The following UBE3C variants were observed in gnomAD, a reference collection of about 807,000 sequenced individuals.
The protein encoded by UBE3C is ubiquitin-protein ligase E3C.
In UBE3C, 42 loss-of-function variants were observed where a neutral mutation model predicts 129.4. That is an observed-to-expected ratio of 0.32 (90% CI 0.25 to 0.42). The LOEUF is 0.42. UBE3C is among the 10% of genes least tolerant of loss of function. UBE3C has a pLI of 1.00. For synonymous variants in UBE3C, 510 were observed against 492.4 expected (o/e 1.04, Z -0.47); for missense variants, 1,049 against 1,319.1 (o/e 0.80, Z 3.17).
At chr7:157,223,159 C>A in intron 15 of UBE3C, 95 bp from the exon 16 acceptor site, 1 of 1,286,210 alleles carries the variant, frequency 7.8e-7, no homozygotes, top group Non-Finnish European at 1.1e-6. Flanking sequence ...ATGAGTTAAT[C>A]AGGATGATTT....
intron 11 of UBE3C, among the ~76,000 whole-genome samples, chr7:157,206,542 G>A (rs776350429): frequency 2.7e-5 from 4 of 150,190 alleles, no homozygotes; most frequent in Admixed American, 6.6e-5. Context: ...GATTACAGGC[G>A]TGAGCCACCA....
At chr7:157,198,941 A>T (rs1235651883) in intron 10 of UBE3C, among the ~76,000 whole-genome samples, 1 of 152,200 alleles carries the variant, frequency 6.6e-6, no homozygotes, top group Non-Finnish European at 1.5e-5. Flanking sequence ...GTGTATTTTA[A>T]ATGTGTATTT....
At chr7:157,197,345 T>G (rs6955184) in intron 10 of UBE3C, among the ~76,000 whole-genome samples, 19,818 of 152,174 alleles carry the variant, frequency 0.13, 3,701 homozygotes, top group African/African-American at 0.42. Context: ...CAAACTGATT[T>G]GCCTACAAAT....
At chr7:157,172,272 G>A (rs1240447590) in intron 4 of UBE3C, among the ~76,000 whole-genome samples, 3 of 151,902 alleles carry the variant, frequency 2.0e-5, no homozygotes, top group Non-Finnish European at 4.4e-5. Context: ...GACATCAAGT[G>A]ATCCACTTGC....
rs77471740 is a variant in UBE3C at position 157,171,686 on chromosome 7, ATTTTTTTTTTTTTTTTTTTTTTTT to A, written c.342+1251_342+1274del. 8.5e-4 allele frequency among the ~76,000 whole-genome samples: 32 copies of A among 37,626 alleles called. 1 individual carries two copies. The highest frequency in any genetic ancestry group is 3.0e-3 in the South Asian group (3 of 994). The allele number at this position is 37,626 out of a possible 152,430, so 24.7% of individuals were successfully genotyped here. ...TATATATATATATATATATATATAT[ATTTTTTTTTTTTTTTTTTTTTTTT>A]TTTTTTTTTTTTTTGAGACAGAGTC... is the stretch of plus-strand genomic sequence containing the variant. On this transcript the variant is annotated intron_variant, in intron 4 of 22. Coordinates refer to ENST00000348165, the MANE Select transcript of UBE3C (RefSeq NM_014671.3).
chr7:157,175,139 T>TTG, intron 5 of UBE3C, 105 bp downstream of exon 5: 1 of 369,390 alleles, frequency 2.7e-6, no homozygotes. Flanking sequence ...TTTCCATACT[T>TTG]TTTTTTTTTT....
At chr7:157,259,741 G>A (rs1014003824) in intron 22 of UBE3C, among the ~76,000 whole-genome samples, 2 of 152,162 alleles carry the variant, frequency 1.3e-5, no homozygotes, top group Non-Finnish European at 1.5e-5. Flanking sequence ...CGGGAGCTTC[G>A]GAGAAGTGGA....
chr7:157,199,199 G>A (rs2116979588), intron 10 of UBE3C, among the ~76,000 whole-genome samples: 1 of 152,274 alleles, frequency 6.6e-6, no homozygotes, highest in Middle Eastern at 3.4e-3. Flanking sequence ...TTTCTCAACT[G>A]AAGAGAAAAT....
intron 1 of UBE3C, among the ~76,000 whole-genome samples, chr7:157,154,578 G>A (rs372047038): frequency 2.6e-5 from 4 of 152,192 alleles, no homozygotes; most frequent in Non-Finnish European, 5.9e-5. Context: ...AGCATAGTTT[G>A]ATACTTAATA....
chr7:157,269,160 CTT>C lies in UBE3C; in HGVS notation c.*1410_*1411del, dbSNP rs887292283. 3 of 152,074 alleles carry C rather than the reference CTT, an allele frequency of 2.0e-5. No individual in the cohort carries two copies. The highest frequency in any genetic ancestry group is 2.9e-5 in the Non-Finnish European group (2 of 67,964). The allele number at this position is 152,074 out of a possible 1,614,324, so 9.4% of individuals were successfully genotyped here. On this transcript the variant is annotated 3_prime_UTR_variant, in exon 23 of 23. Coordinates refer to ENST00000348165, the MANE Select transcript of UBE3C (RefSeq NM_014671.3). ...CAGAAATAAAATAATTAGGGTTGGT[CTT>C]TTTTATTTTAGGTTGTTTTATGTTG...
intron 1 of UBE3C, among the ~76,000 whole-genome samples, chr7:157,163,005 G>GA (rs893873705): frequency 1.3e-5 from 2 of 151,648 alleles, no homozygotes. Context: ...TTTTATTTAT[G>GA]AAAAAAAATT....
At chr7:157,178,550 C>G (rs143691260) in intron 5 of UBE3C, 140 bp from the exon 6 acceptor site, 3 of 828,490 alleles carry the variant, frequency 3.6e-6, no homozygotes, top group Middle Eastern at 7.5e-4. Flanking sequence ...ATTTCCCTGT[C>G]TATCTGTAAG....
chr7:157,171,446 A>T (rs552459377), intron 4 of UBE3C, among the ~76,000 whole-genome samples: 24 of 151,372 alleles, frequency 1.6e-4, no homozygotes, highest in South Asian at 8.3e-4. Context: ...TCATGTTTTT[A>T]AAAAAAATCC....
At chr7:157,224,197 T>G (rs1032861892) in intron 16 of UBE3C, among the ~76,000 whole-genome samples, 28 of 152,120 alleles carry the variant, frequency 1.8e-4, no homozygotes, top group Admixed American at 6.5e-4. Context: ...TTATTTTTTT[T>G]GTTTTTTATT....
chr7:157,168,972 A>C, intron 2 of UBE3C, 76 bp from the exon 3 acceptor site: 1 of 1,204,840 alleles, frequency 8.3e-7, no homozygotes, highest in African/African-American at 1.5e-5. Flanking sequence ...TAGTGTTTTT[A>C]AAGTCTTTAC....
intron 5 of UBE3C, among the ~76,000 whole-genome samples, chr7:157,178,210 A>C (rs1808575026): frequency 1.3e-5 from 2 of 152,142 alleles, no homozygotes; most frequent in South Asian, 4.1e-4. Context: ...TAAGAAGGGA[A>C]GCCTCAGTCA....
At chr7:157,196,458 T>C (rs1809122989) in intron 10 of UBE3C, among the ~76,000 whole-genome samples, 1 of 152,204 alleles carries the variant, frequency 6.6e-6, no homozygotes, top group Non-Finnish European at 1.5e-5. Context: ...AGATCTAGTC[T>C]GTCCGACAGA....
Position 157,267,952 on chromosome 7 carries a change from T to C in UBE3C, c.*197T>C. 2.1e-6 allele frequency: 1 copy of C among 475,234 alleles called. No homozygotes were observed. The highest frequency in any genetic ancestry group is 4.1e-5 in the South Asian group (1 of 24,336). 29.4% of individuals were successfully genotyped at this position (475,234 alleles called of 1,614,324 possible). A position where few individuals can be genotyped will look rare whatever the true frequency, so the allele number is the denominator to read the frequency against. ...GGTCACTTATTTAGATGGACATTGCTTTTCAAATAACTTAAAATAACACGT... is the reference window on the plus strand; with the variant it reads ...GGTCACTTATTTAGATGGACATTGCCTTTCAAATAACTTAAAATAACACGT... On this transcript the variant is annotated 3_prime_UTR_variant, in exon 23 of 23. Transcript: ENST00000348165.
intron 1 of UBE3C, among the ~76,000 whole-genome samples, chr7:157,158,165 T>C (rs760313042): frequency 6.6e-6 from 1 of 151,240 alleles, no homozygotes; most frequent in African/African-American, 2.4e-5. Context: ...GTGATGGAAT[T>C]ACAAGTGTGA....
Sources: allele counts gnomAD v4.1 joint callset (sites outside exome capture counted in the v4.1 genomes callset), GRCh38; gene constraint gnomAD v4.1.1; transcripts MANE v1.5; gene names NCBI Gene and HGNC (gene_info 2026-07-23, HGNC 2026-07-21).